The following EPN2 variants were observed in gnomAD, a reference collection of about 807,000 sequenced individuals.
EPN2 encodes the protein epsin 2, also known as epsin-2.
Under a neutral mutation model 61.7 loss-of-function variants are expected in EPN2, and 34 were observed. That is an observed-to-expected ratio of 0.55 (90% CI 0.42 to 0.73). EPN2 has a LOEUF of 0.73. Among genes scored for constraint, EPN2 ranks in the 30% least tolerant of loss-of-function variants. EPN2 has a pLI of 0.00. For synonymous variants in EPN2, 349 were observed against 353.6 expected (o/e 0.99, Z 0.15); for missense variants, 714 against 839.2 (o/e 0.85, Z 1.84).
At chr17:19,279,687 A>C (rs1267903639) in intron 1 of EPN2, among the ~76,000 whole-genome samples, 1 of 151,680 alleles carries the variant, frequency 6.6e-6, no homozygotes, top group African/African-American at 2.4e-5. Context: ...CACCTGCCTC[A>C]GCCTCCCAAA....
At chr17:19,272,569 G>A (rs1370389226) in intron 1 of EPN2, among the ~76,000 whole-genome samples, 1 of 152,128 alleles carries the variant, frequency 6.6e-6, no homozygotes, top group Admixed American at 6.6e-5. Flanking sequence ...GAGGACCCTG[G>A]GTACTGGCTT....
At chr17:19,240,133 C>T (rs1393398471) in intron 1 of EPN2, among the ~76,000 whole-genome samples, 1 of 152,156 alleles carries the variant, frequency 6.6e-6, no homozygotes, top group African/African-American at 2.4e-5. Flanking sequence ...TCACTGTTCC[C>T]CATAACCTTT....
At chr17:19,331,360 T>C (rs764007766) in intron 9 of EPN2, among the ~76,000 whole-genome samples, 2 of 152,204 alleles carry the variant, frequency 1.3e-5, no homozygotes, top group Non-Finnish European at 2.9e-5. Context: ...TCCTGTACCG[T>C]GAAGCATCCC....
chr17:19,276,633 A>G (rs1400745449), intron 1 of EPN2: 2 of 152,086 alleles, frequency 1.3e-5, no homozygotes, highest in African/African-American at 4.8e-5. Flanking sequence ...GAATTGTACA[A>G]GTTCATGTAC....
intron 6 of EPN2, among the ~76,000 whole-genome samples, chr17:19,312,415 C>T (rs978984524): frequency 5.3e-4 from 81 of 152,348 alleles, no homozygotes; most frequent in African/African-American, 1.7e-3. Context: ...GCTGTGGCTA[C>T]GGCAGCTGTC....
chr17:19,335,646 C>T lies in EPN2; in HGVS notation c.*1392C>T, dbSNP rs915056323. The T allele has an allele frequency of 2.7e-5, 12 of 439,782 alleles. No homozygotes were observed. Among genetic ancestry groups the T allele is most frequent in the Middle Eastern group, 6.3e-4 (2 of 3,166 alleles). 27.2% of individuals were successfully genotyped at this position (439,782 alleles called of 1,614,324 possible). On this transcript the variant is annotated 3_prime_UTR_variant, in exon 11 of 11. Transcript: ENST00000314728. Reference sequence around the variant, plus strand: ...GGGGGGCTAAGGGACCAGGGCTGGCCCTGATCCACCTACCTGCTAACTCCA... The same window carrying T: ...GGGGGGCTAAGGGACCAGGGCTGGCTCTGATCCACCTACCTGCTAACTCCA...
chr17:19,322,207 G>A (rs1177788086), intron 7 of EPN2, among the ~76,000 whole-genome samples: 1 of 152,216 alleles, frequency 6.6e-6, no homozygotes, highest in Non-Finnish European at 1.5e-5. Flanking sequence ...TTCTGGGGCA[G>A]TAGCAGGAGA....
intron 10 of EPN2, 135 bp from the exon 11 acceptor site, chr17:19,333,821 A>G (rs564151866): frequency 3.6e-5 from 22 of 617,628 alleles, no homozygotes; most frequent in Non-Finnish European, 5.4e-5. Context: ...AGTGTCTGCC[A>G]TGGACTCGGC....
Position 19,285,477 on chromosome 17 carries a change from G to C in EPN2, c.596-143G>C. On this transcript the variant is annotated intron_variant, in intron 3 of 10. Coordinates refer to ENST00000314728, the MANE Select transcript of EPN2 (RefSeq NM_014964.5). The surrounding 1 kb of genome is among the most constrained non-coding windows in gnomAD (Gnocchi z 4.5). The stretch of plus-strand genomic sequence containing the variant: ...GCTGCATGTTCAGGGTCAGAATGTG[G>C]TCAGTGGGCTTTTCACAGCTTCCAC... 7.7e-7 allele frequency: 1 copy of C among 1,299,488 alleles called. No homozygotes were observed. The highest frequency in any genetic ancestry group is 9.9e-7 in the Non-Finnish European group (1 of 1,010,574). The allele number at this position is 1,299,488 out of a possible 1,614,324, so 80.5% of individuals were successfully genotyped here.
intron 4 of EPN2, among the ~76,000 whole-genome samples, chr17:19,289,626 TGGG>T (rs902589585): frequency 4.6e-5 from 7 of 150,612 alleles, no homozygotes; most frequent in Admixed American, 6.6e-5. Flanking sequence ...AGTCTGGAGT[TGGG>T]GGGAGAATTC....
chr17:19,304,964 G>A lies in EPN2; in HGVS notation c.767-4921G>A, dbSNP rs573426431. On this transcript the variant is annotated intron_variant, in intron 4 of 10. Coordinates refer to ENST00000314728, the MANE Select transcript of EPN2 (RefSeq NM_014964.5). ...CTGTGTACCCAGCATTGCCACACCA[G>A]GCCCAGGGACATAGGAAAACCAGGA... Among the ~76,000 whole-genome samples the A allele has an allele frequency of 2.0e-5, 3 of 152,234 alleles. No homozygotes were observed. The East Asian group carries it at 5.8e-4, about 29-fold the overall frequency.
At chr17:19,318,059 T>C (rs1409548778) in intron 7 of EPN2, among the ~76,000 whole-genome samples, 1 of 152,190 alleles carries the variant, frequency 6.6e-6, no homozygotes, top group Non-Finnish European at 1.5e-5. Flanking sequence ...GCCCAGCAGT[T>C]TGCAGTGTCC....
intron 4 of EPN2, 105 bp from the exon 5 acceptor site, chr17:19,309,780 T>TG: frequency 1.2e-6 from 1 of 810,514 alleles, no homozygotes; most frequent in Non-Finnish European, 2.1e-6. Context: ...TGCTGGACCT[T>TG]GCGGGTTTGA....
intron 4 of EPN2, among the ~76,000 whole-genome samples, chr17:19,307,371 C>T (rs756590210): frequency 2.0e-5 from 3 of 151,894 alleles, no homozygotes; most frequent in Admixed American, 1.3e-4. Context: ...AGTGCAGTGG[C>T]GCGATCTCAG....
Position 19,283,397 on chromosome 17 carries a change from C to T in EPN2, c.278C>T (p.Ala93Val), listed in dbSNP as rs767335671. 10 of 1,614,086 alleles carry T rather than the reference C, an allele frequency of 6.2e-6. No individual in the cohort carries two copies. Among genetic ancestry groups the T allele is most frequent in the Admixed American group, 1.7e-5 (1 of 60,012 alleles). The change falls in exon 3 of 11, where the codon GCC (alanine) becomes GTC (valine). Residue 93 changes from alanine to valine, a missense_variant. Physicochemically the swap from Ala to Val is moderately conservative, Grantham distance 64. Transcript: ENST00000314728. The surrounding 1 kb of genome is among the most constrained non-coding windows in gnomAD (Gnocchi z 7.0). The stretch of plus-strand genomic sequence containing the variant: ...ATCAAGACAGGCTCCGAACGTGTGG[C>T]CCAGCAGTGCCGGGAGAACATCTTC... ...YLIKTGSERV[A>V]QQCRENIFAI...
At chr17:19,278,904 T>A (rs1465681058) in intron 1 of EPN2, among the ~76,000 whole-genome samples, 1 of 152,224 alleles carries the variant, frequency 6.6e-6, no homozygotes, top group Non-Finnish European at 1.5e-5. Flanking sequence ...CCCAGAGTGC[T>A]GGGATTACAG....
intron 1 of EPN2, among the ~76,000 whole-genome samples, chr17:19,241,605 A>T (rs2044885476): frequency 6.6e-6 from 1 of 151,800 alleles, no homozygotes; most frequent in Admixed American, 6.6e-5. Flanking sequence ...AAAAAAAAAA[A>T]ATTGACAAAC....
intron 1 of EPN2, among the ~76,000 whole-genome samples, chr17:19,270,248 C>T (rs1032220209): frequency 6.6e-6 from 1 of 152,256 alleles, no homozygotes; most frequent in Non-Finnish European, 1.5e-5. Flanking sequence ...AGAGCCCCTT[C>T]TGTTTCTTAC....
At chr17:19,296,163 T>A (rs1040235392) in intron 4 of EPN2, among the ~76,000 whole-genome samples, 1 of 151,874 alleles carries the variant, frequency 6.6e-6, no homozygotes, top group Non-Finnish European at 1.5e-5. Flanking sequence ...TTTTTTTTTT[T>A]AAACTGGGAC....
Sources: gnomAD v4.1 joint callset for allele counts (sites outside exome capture counted in the v4.1 genomes callset) on GRCh38, gnomAD v4.1.1 for gene constraint, Gnocchi (gnomAD v3.1) non-coding constraint, MANE v1.5 for transcripts, NCBI Gene and HGNC (gene_info 2026-07-23, HGNC 2026-07-21) for gene names.